The following CFAP74 variants were observed in gnomAD, a reference collection of about 807,000 sequenced individuals.
CFAP74 encodes the protein cilia and flagella associated protein 74.
CFAP74 carries 124 observed loss-of-function variants against 188.9 expected under a neutral mutation model. The observed-to-expected ratio is 0.66, with a 90% CI of 0.57 to 0.76. The LOEUF is 0.76. Among genes scored for constraint, CFAP74 ranks in the 30% least tolerant of loss-of-function variants. The probability of loss-of-function intolerance (pLI) is 0.00; values close to 1 mark genes in which losing one functional copy is unlikely to be tolerated. For missense variants in CFAP74, 2,198 were observed against 2,165.2 expected (o/e 1.02, Z -0.30); for synonymous variants, 956 against 916.7 (o/e 1.04, Z -0.77).
At position 1,971,838 on chromosome 1, in the gene CFAP74, G is replaced by T. The variant is rs1333580405; in HGVS notation, c.888+142C>A. 1.2e-5 allele frequency: 8 copies of T among 643,234 alleles called. 1 individual carries two copies. Among genetic ancestry groups the T allele is most frequent in the Middle Eastern group, 8.0e-4 (2 of 2,498 alleles). 39.8% of individuals were successfully genotyped at this position (643,234 alleles called of 1,614,324 possible). A position where few individuals can be genotyped will look rare whatever the true frequency, so the allele number is the denominator to read the frequency against. ...GTGGGCAAATCTGTGGCACAGGCTC[G>T]GGAAGCCTCCAGGGGTCACCAAGTG... On this transcript the variant is annotated intron_variant, in intron 9 of 38. Coordinates refer to ENST00000682832, the MANE Select transcript of CFAP74 (RefSeq NM_001304360.2).
chr1:1,926,394 C>A (rs1310145372), intron 31 of CFAP74, 47 bp from the exon 32 acceptor site: 2 of 1,550,118 alleles, frequency 1.3e-6, no homozygotes, highest in Admixed American at 2.0e-5. Flanking sequence ...GCAGGCTCTA[C>A]CACGCCCTCC....
intron 16 of CFAP74, among the ~76,000 whole-genome samples, chr1:1,958,132 C>T (rs955400373): frequency 1.3e-5 from 2 of 152,240 alleles, no homozygotes; most frequent in Non-Finnish European, 2.9e-5. Context: ...GGAGGAAGCA[C>T]GCGACAGAGA....
intron 22 of CFAP74, among the ~76,000 whole-genome samples, chr1:1,941,609 CAG>C (rs1653380340): frequency 6.6e-6 from 1 of 152,124 alleles, no homozygotes; most frequent in African/African-American, 2.4e-5. Flanking sequence ...GGGATGAAGA[CAG>C]GGAAGACAGC....
intron 18 of CFAP74, 187 bp downstream of exon 18, chr1:1,955,504 C>T (rs774624179): frequency 1.1e-5 from 17 of 1,604,850 alleles, no homozygotes; most frequent in Middle Eastern, 1.7e-4. Flanking sequence ...TGTACATTTT[C>T]GTCCACTCCA....
At chr1:1,972,617 G>A (rs192111126) in intron 8 of CFAP74, among the ~76,000 whole-genome samples, 4 of 152,280 alleles carry the variant, frequency 2.6e-5, no homozygotes, top group South Asian at 4.1e-4. Context: ...AGGCTGAGGC[G>A]GGCAGATCAC....
At chr1:1,971,933 C>A in intron 9 of CFAP74, 47 bp downstream of exon 9, 1 of 1,484,986 alleles carries the variant, frequency 6.7e-7, no homozygotes, top group Non-Finnish European at 9.3e-7. Flanking sequence ...GGGACGGACC[C>A]CGGCAGGGCG....
intron 14 of CFAP74, among the ~76,000 whole-genome samples, chr1:1,962,979 C>T (rs1655197344): frequency 6.6e-6 from 1 of 152,196 alleles, no homozygotes; most frequent in African/African-American, 2.4e-5. Context: ...GGATCCAAAA[C>T]ACAGGTAAGT....
chr1:1,957,546 C>A (rs1198117540), intron 16 of CFAP74, among the ~76,000 whole-genome samples: 1 of 152,170 alleles, frequency 6.6e-6, no homozygotes, highest in East Asian at 1.9e-4. Context: ...AGAAGCAAGC[C>A]CCTGCTCAGG....
Position 1,928,841 on chromosome 1 carries a change from C to G in CFAP74, c.3330G>C (p.Glu1110Asp). ...VQVAFRPVLP[E>D]KLIRQEALPL... ...GGAGGGCTTCCTGGCGGATCAGCTT[C>G]TCGGGCAGCACTGGCCGGAAGGCCA... The change falls in exon 27 of 39, where the codon GAG becomes GAC. Residue 1110 changes from glutamate (E) to aspartate (D), a missense_variant. Physicochemically the swap from Glu to Asp is conservative, Grantham distance 45. Coordinates refer to ENST00000682832, the MANE Select transcript of CFAP74 (RefSeq NM_001304360.2). 2 of 1,535,684 alleles carry G rather than the reference C, an allele frequency of 1.3e-6. No homozygotes were observed. The highest frequency in any genetic ancestry group is 1.7e-6 in the Non-Finnish European group (2 of 1,146,740).
Position 1,998,699 on chromosome 1 carries a change from C to CAT in CFAP74, c.-20+5001_-20+5002insAT, listed in dbSNP as rs1311896242. Among the ~76,000 whole-genome samples the CAT allele has an allele frequency of 3.0e-3, 459 of 150,592 alleles. 2 individuals carry two copies. In the South Asian group the frequency reaches 0.031, roughly 10 times the overall value. ...ACCATCCTGGCTAACAGGGTGAAAC[C>CAT]TCATCTCTACTAAAAATACAAAAAA... On this transcript the variant is annotated intron_variant, in intron 1 of 38. Coordinates refer to ENST00000682832, the MANE Select transcript of CFAP74 (RefSeq NM_001304360.2).
intron 1 of CFAP74, among the ~76,000 whole-genome samples, chr1:1,996,936 G>GAAAAAAAAAAAAAA (rs1171342444): frequency 8.5e-6 from 1 of 117,042 alleles, no homozygotes; most frequent in South Asian, 3.0e-4. Context: ...AAAAAAAAAA[G>GAAAAAAAAAAAAAA]AAAAAAAAAA....
At chr1:1,984,745 C>T in intron 6 of CFAP74, 1 of 153,308 alleles carries the variant, frequency 6.5e-6, no homozygotes, top group Non-Finnish European at 1.5e-5. Flanking sequence ...TGTTAGGTTG[C>T]ATGAGGGCTG....
chr1:1,923,659 G>C lies in CFAP74; in HGVS notation c.4389+116C>G. 3 of 1,553,280 alleles carry C rather than the reference G, an allele frequency of 1.9e-6. No homozygotes were observed. In the South Asian group the frequency reaches 3.4e-5, roughly 18 times the overall value. ...CACTGACGGCCCTCAGTGTGGTGCT[G>C]AGTCCCCCAGCCATGGTACCCTCAG... On this transcript the variant is annotated intron_variant, in intron 35 of 38. Transcript: ENST00000682832. This position sits in a 1 kb window ranked among gnomAD's most constrained non-coding sequence, Gnocchi z 6.3.
intron 5 of CFAP74, among the ~76,000 whole-genome samples, chr1:1,986,619 G>A (rs1373575248): frequency 6.6e-6 from 1 of 152,212 alleles, no homozygotes; most frequent in African/African-American, 2.4e-5. Context: ...CTGGGAGTGT[G>A]GGACGCATGC....
chr1:1,961,031 T>C (rs1045578733), intron 14 of CFAP74, among the ~76,000 whole-genome samples: 2 of 152,158 alleles, frequency 1.3e-5, no homozygotes. Context: ...TTTTTAGAAA[T>C]GAGAGACAGG....
At chr1:1,939,066 AGAGT>A in intron 24 of CFAP74, 78 bp from the exon 25 acceptor site, 1 of 1,405,316 alleles carries the variant, frequency 7.1e-7, no homozygotes, top group Non-Finnish European at 9.6e-7. Flanking sequence ...CGTGAGTGTG[AGAGT>A]AAGAGATGAG....
At chr1:1,971,298 C>A (rs371866854) in intron 9 of CFAP74, among the ~76,000 whole-genome samples, 1 of 151,100 alleles carries the variant, frequency 6.6e-6, no homozygotes, top group African/African-American at 2.4e-5. Context: ...CACATACACG[C>A]TCACACATGC....
chr1:1,985,577 C>T, intron 5 of CFAP74, 87 bp from the exon 6 acceptor site: 1 of 1,066,284 alleles, frequency 9.4e-7, no homozygotes, highest in East Asian at 2.4e-5. Context: ...CCCTGGCCTC[C>T]TCTCGCTCAG....
intron 21 of CFAP74, among the ~76,000 whole-genome samples, chr1:1,943,843 C>T (rs1653556387): frequency 1.3e-5 from 2 of 152,244 alleles, no homozygotes; most frequent in Non-Finnish European, 2.9e-5. Context: ...GCGGGCAGGG[C>T]CGTGCCCTTG....
Sources: gnomAD v4.1 joint callset for allele counts (sites outside exome capture counted in the v4.1 genomes callset) on GRCh38, gnomAD v4.1.1 for gene constraint, Gnocchi (gnomAD v3.1) non-coding constraint, MANE v1.5 for transcripts, NCBI Gene and HGNC (gene_info 2026-07-23, HGNC 2026-07-21) for gene names.